Variants in ITGA6 observed in about 807,000 individuals in gnomAD.
The protein encoded by ITGA6 is integrin alpha-6.
Under a neutral mutation model 133.6 loss-of-function variants are expected in ITGA6, and 63 were observed. That is an observed-to-expected ratio of 0.47 (90% CI 0.38 to 0.58). ITGA6 has a LOEUF of 0.58. Ranked by LOEUF, ITGA6 falls within the 20% of genes least tolerant of loss-of-function variation. The pLI, the probability that ITGA6 is intolerant of heterozygous loss-of-function variation, is 0.00. For missense variants in ITGA6, 1,068 were observed against 1,309.4 expected, an observed-to-expected ratio of 0.82 and a Z score of 2.85; for synonymous variants, 434 against 482.0, an observed-to-expected ratio of 0.90 and a Z score of 1.30.
In ITGA6 at chr2:172,505,505, T is replaced by C. The variant is rs1308125272; in HGVS notation, c.*1437T>C. The C allele has an allele frequency of 6.6e-6, 1 of 152,548 alleles. No homozygotes were observed. The highest frequency in any genetic ancestry group is 1.5e-5 in the Non-Finnish European group (1 of 68,036). 9.4% of individuals were successfully genotyped at this position (152,548 alleles called of 1,614,324 possible). ...ATTTAACAAGAACTTTAAATTGTGT[T>C]TTAATTGTAAAAATGGCAGGGGGTG... is the stretch of plus-strand genomic sequence containing the variant. On this transcript the variant is annotated 3_prime_UTR_variant, in exon 26 of 26. Transcript: ENST00000684293.
chr2:172,493,767 G>A (rs1162104251), intron 23 of ITGA6, among the ~76,000 whole-genome samples: 1 of 152,198 alleles, frequency 6.6e-6, no homozygotes, highest in Non-Finnish European at 1.5e-5. Flanking sequence ...CGACCAGCAA[G>A]TAGAGCTGAG....
At chr2:172,461,171 A>G (rs1400700510) in intron 1 of ITGA6, among the ~76,000 whole-genome samples, 1 of 152,186 alleles carries the variant, frequency 6.6e-6, no homozygotes, top group Non-Finnish European at 1.5e-5. Context: ...CTGAATTTAT[A>G]TCATATTCCC....
At chr2:172,489,433 A>G in intron 19 of ITGA6, 52 bp from the exon 20 acceptor site, 1 of 1,422,202 alleles carries the variant, frequency 7.0e-7, no homozygotes, top group Non-Finnish European at 9.9e-7. Context: ...GCTGCTACTT[A>G]AATTTACATT....
At position 172,476,492 on chromosome 2, in the gene ITGA6, C is replaced by A; in HGVS notation, c.1367C>A (p.Ser456Ter). 2 of 1,592,966 alleles carry A rather than the reference C, an allele frequency of 1.3e-6. No homozygotes were observed. Among genetic ancestry groups the A allele is most frequent in the Non-Finnish European group, 1.7e-6 (2 of 1,160,856 alleles). ...SYPDVAVGSL[S>*]DSVTIFRSRP... Reference sequence around the variant, plus strand: ...CCTGATGTTGCTGTTGGTTCCCTCTCAGATTCAGTAACTATTTTCAGGTCT... The same window carrying A: ...CCTGATGTTGCTGTTGGTTCCCTCTAAGATTCAGTAACTATTTTCAGGTCT... Residue 456 changes from serine (S) to a stop codon, truncating the protein, a stop_gained, in exon 9 of 26, where the codon TCA becomes TAA. Coordinates refer to ENST00000684293, the MANE Select transcript of ITGA6 (RefSeq NM_000210.4). LOFTEE classifies it high-confidence loss of function.
chr2:172,465,480 T>A, intron 1 of ITGA6, 59 bp from the exon 2 acceptor site: 1 of 1,597,266 alleles, frequency 6.3e-7, no homozygotes, highest in East Asian at 2.2e-5. Flanking sequence ...TTCTGACTGA[T>A]TTAACTGTTA....
In ITGA6 at chr2:172,491,011, T is replaced by C. The variant is rs370023108; in HGVS notation, c.2680-13T>C. On this transcript the variant is annotated splice_polypyrimidine_tract_variant and intron_variant, in intron 20 of 25. Coordinates refer to ENST00000684293, the MANE Select transcript of ITGA6 (RefSeq NM_000210.4). This position sits in a 1 kb window ranked among gnomAD's most constrained non-coding sequence, Gnocchi z 4.4. ...ACATAAATTGGAACTATTTTGGATA[T>C]AATTTTTTTCAGGAGTCTCACAACT... 4 of 1,306,366 alleles carry C rather than the reference T, an allele frequency of 3.1e-6. No individual in the cohort carries two copies. The highest frequency in any genetic ancestry group is 2.5e-4 in the Middle Eastern group (1 of 4,016). 80.9% of individuals were successfully genotyped at this position (1,306,366 alleles called of 1,614,324 possible).
chr2:172,477,186 A>G (rs1479736939), intron 9 of ITGA6, among the ~76,000 whole-genome samples: 1 of 152,042 alleles, frequency 6.6e-6, no homozygotes, highest in African/African-American at 2.4e-5. Flanking sequence ...TCCTTATTAT[A>G]AATTCCTGGA....
chr2:172,467,597 G>C (rs769788001), intron 3 of ITGA6, 37 bp downstream of exon 3: 1 of 1,511,364 alleles, frequency 6.6e-7, no homozygotes, highest in South Asian at 1.1e-5. Flanking sequence ...TATACTGTTG[G>C]ACTGCTGGTT....
intron 5 of ITGA6, among the ~76,000 whole-genome samples, chr2:172,471,920 A>G (rs1381928817): frequency 6.6e-6 from 1 of 152,192 alleles, no homozygotes; most frequent in African/African-American, 2.4e-5. Context: ...AAAGTGAAGA[A>G]AAGTACCCAG....
intron 11 of ITGA6, among the ~76,000 whole-genome samples, chr2:172,480,423 C>G (rs867718548): frequency 3.1e-4 from 47 of 152,056 alleles, no homozygotes; most frequent in Admixed American, 2.6e-3. Context: ...TGGGTGGTGG[C>G]TGGTGGTTGT....
In ITGA6 at chr2:172,427,937, T is replaced by A; in HGVS notation, c.149T>A (p.Met50Lys). The part of the protein sequence containing the change: ...PGSLFGFSLA[M>K]HWQLQPEDKR... ...AGCCTCTTCGGCTTCTCGCTGGCCA[T>A]GCACTGGCAACTGCAGCCCGAGGAC... is the stretch of plus-strand genomic sequence containing the variant. Residue 50 changes from methionine (M) to lysine (K), a missense_variant, in exon 1 of 26, where the codon ATG becomes AAG. By Grantham distance (95) the Met-to-Lys change is moderately conservative. Coordinates refer to ENST00000684293, the MANE Select transcript of ITGA6 (RefSeq NM_000210.4). 6.2e-7 allele frequency: 1 copy of A among 1,606,520 alleles called. No individual in the cohort carries two copies. The highest frequency in any genetic ancestry group is 8.5e-7 in the Non-Finnish European group (1 of 1,176,934).
intron 23 of ITGA6, among the ~76,000 whole-genome samples, chr2:172,496,262 C>T (rs888943326): frequency 2.6e-5 from 4 of 152,154 alleles, no homozygotes; most frequent in African/African-American, 7.2e-5. Context: ...AAGTGAGCCA[C>T]GAGGCCACCT....
At chr2:172,450,831 TA>T (rs1684957116) in intron 1 of ITGA6, among the ~76,000 whole-genome samples, 1 of 145,036 alleles carries the variant, frequency 6.9e-6, no homozygotes, top group South Asian at 2.1e-4. Flanking sequence ...TATATATATA[TA>T]AAATATATAT....
chr2:172,427,480 G>A (rs932446844), upstream of ITGA6: 11 of 1,081,216 alleles, frequency 1.0e-5, no homozygotes, highest in Non-Finnish European at 1.2e-5. Context: ...GGTAAGGTGC[G>A]GGCGGTGCGC....
At chr2:172,435,612 G>GTTTT (rs1684284876) in intron 1 of ITGA6, among the ~76,000 whole-genome samples, 2 of 113,104 alleles carry the variant, frequency 1.8e-5, no homozygotes, top group African/African-American at 7.5e-5. Flanking sequence ...CAAGAGTTTT[G>GTTTT]TTTCTTTTTT....
intron 1 of ITGA6, among the ~76,000 whole-genome samples, chr2:172,450,238 G>A (rs569300961): frequency 5.3e-5 from 8 of 152,314 alleles, no homozygotes; most frequent in African/African-American, 1.9e-4. Context: ...TGTAAGCAGA[G>A]GAATGATGTG....
chr2:172,433,138 C>G (rs1341767089), intron 1 of ITGA6, among the ~76,000 whole-genome samples: 2 of 152,104 alleles, frequency 1.3e-5, no homozygotes, highest in Non-Finnish European at 2.9e-5. Flanking sequence ...GTAGTCTCAG[C>G]CCCCGGTGCC....
intron 13 of ITGA6, 83 bp downstream of exon 13, chr2:172,485,347 T>C (rs1686622026): frequency 1.6e-6 from 2 of 1,231,588 alleles, no homozygotes; most frequent in Non-Finnish European, 2.4e-6. Context: ...GGAATAGAAC[T>C]AGTGATTTGC....
chr2:172,488,161 CA>C lies in ITGA6; in HGVS notation c.2439del (p.Val814LeufsTer7), dbSNP rs769056464. On this transcript the variant is annotated frameshift_variant, in exon 19 of 26. Transcript: ENST00000684293. LOFTEE classifies it high-confidence loss of function. Reference sequence around the variant, plus strand: ...CCTTCCCAGGTGTATTTTGGAGGTACAGTTGTTGGCGAGCAAGCTATGAAAT... The same window carrying C: ...CCTTCCCAGGTGTATTTTGGAGGTACGTTGTTGGCGAGCAAGCTATGAAAT... The part of the protein sequence containing the change: ...AKPSQVYFGG[T>X]VVGEQAMKSE... 1 of 1,613,952 alleles carries C rather than the reference CA, an allele frequency of 6.2e-7. No homozygotes were observed. The highest frequency in any genetic ancestry group is 1.1e-5 in the South Asian group (1 of 91,074).
Sources: gnomAD v4.1 joint callset for allele counts (sites outside exome capture counted in the v4.1 genomes callset) on GRCh38, gnomAD v4.1.1 for gene constraint, Gnocchi (gnomAD v3.1) non-coding constraint, MANE v1.5 for transcripts, NCBI Gene and HGNC (gene_info 2026-07-23, HGNC 2026-07-21) for gene names.